The following FAM117B variants were observed in gnomAD, a reference collection of about 807,000 sequenced individuals.
FAM117B encodes the protein family with sequence similarity 117 member B.
In FAM117B, 22 loss-of-function variants were observed where a neutral mutation model predicts 52.8. That is an observed-to-expected ratio of 0.42 (90% confidence interval 0.30 to 0.59). FAM117B has a LOEUF of 0.59. FAM117B is among the 20% of genes least tolerant of loss of function. The pLI, the probability that FAM117B is intolerant of heterozygous loss-of-function variation, is 0.22. For synonymous variants in FAM117B, 309 were observed against 324.1 expected (o/e 0.95, Z 0.50); for missense variants, 678 against 802.6 (o/e 0.84, Z 1.88).
intron 6 of FAM117B, 29 bp from the exon 7 acceptor site, chr2:202,759,204 G>A (rs1373396125): frequency 1.9e-6 from 3 of 1,612,146 alleles, no homozygotes; most frequent in Non-Finnish European, 2.5e-6. Context: ...ATACATTTAT[G>A]TAGTAATCTA....
At chr2:202,691,706 C>T (rs909093274) in intron 1 of FAM117B, among the ~76,000 whole-genome samples, 12 of 131,778 alleles carry the variant, frequency 9.1e-5, no homozygotes, top group East Asian at 6.0e-4. Context: ...TGTGCGCGCG[C>T]GCCTCCCCAC....
intron 4 of FAM117B, among the ~76,000 whole-genome samples, chr2:202,747,939 A>G (rs1691659322): frequency 6.6e-6 from 1 of 152,176 alleles, no homozygotes; most frequent in East Asian, 1.9e-4. Flanking sequence ...TACCAATGAC[A>G]TTCTTCACAG....
chr2:202,684,067 A>G (rs1404860672), intron 1 of FAM117B, among the ~76,000 whole-genome samples: 1 of 152,068 alleles, frequency 6.6e-6, no homozygotes, highest in Non-Finnish European at 1.5e-5. Context: ...AGGTTTTGCC[A>G]TGTTGCTCTG....
intron 4 of FAM117B, among the ~76,000 whole-genome samples, chr2:202,730,964 C>T (rs1223822639): frequency 2.0e-5 from 3 of 152,106 alleles, no homozygotes; most frequent in Non-Finnish European, 4.4e-5. Flanking sequence ...AGATAACCCA[C>T]AGAATAGGAT....
At chr2:202,763,370 CCTT>C (rs1691928652) in intron 7 of FAM117B, among the ~76,000 whole-genome samples, 11 of 152,070 alleles carry the variant, frequency 7.2e-5, no homozygotes, top group South Asian at 6.2e-4. Flanking sequence ...CTGCGCCTGG[CCTT>C]CTTAAGTCAT....
intron 2 of FAM117B, 132 bp downstream of exon 2, chr2:202,696,164 A>G: frequency 9.8e-7 from 1 of 1,015,942 alleles, no homozygotes; most frequent in Non-Finnish European, 1.3e-6. Flanking sequence ...TACCAAAAAG[A>G]GCAGATTCCA....
intron 4 of FAM117B, among the ~76,000 whole-genome samples, chr2:202,732,975 C>CG (rs1379772816): frequency 6.6e-6 from 1 of 151,604 alleles, no homozygotes; most frequent in African/African-American, 2.4e-5. Flanking sequence ...AGACTGGTAT[C>CG]GGGGGAACCG....
intron 2 of FAM117B, among the ~76,000 whole-genome samples, chr2:202,717,609 T>G (rs1018374364): frequency 6.6e-6 from 1 of 152,210 alleles, no homozygotes; most frequent in African/African-American, 2.4e-5. Flanking sequence ...AAGAATTATC[T>G]GGATTACAAG....
intron 1 of FAM117B, among the ~76,000 whole-genome samples, chr2:202,683,695 C>A (rs1043774567): frequency 3.3e-5 from 5 of 152,012 alleles, no homozygotes; most frequent in African/African-American, 1.2e-4. Flanking sequence ...AAACTCCAGA[C>A]CAGATGGCAT....
Position 202,764,182 on chromosome 2 carries a change from T to C in FAM117B, c.1452-1264T>C, listed in dbSNP as rs575819313. Among the ~76,000 whole-genome samples the C allele has an allele frequency of 2.0e-5, 3 of 152,350 alleles. No homozygotes were observed. In the East Asian group the frequency reaches 5.8e-4, roughly 29 times the overall value. On this transcript the variant is annotated intron_variant, in intron 7 of 7. Coordinates refer to ENST00000392238, the MANE Select transcript of FAM117B (RefSeq NM_173511.4). ...CCTCACCCCACAAGAACTATAAATT[T>C]AGTCCACCTCCTCCTTGTGGATTGT...
chr2:202,708,250 A>T (rs1427064321), intron 2 of FAM117B, among the ~76,000 whole-genome samples: 1 of 152,194 alleles, frequency 6.6e-6, no homozygotes, highest in Non-Finnish European at 1.5e-5. Flanking sequence ...GTCCCTAGCA[A>T]TCACCATTCC....
intron 1 of FAM117B, among the ~76,000 whole-genome samples, chr2:202,663,833 C>T (rs902515392): frequency 1.8e-4 from 28 of 152,192 alleles, no homozygotes; most frequent in Admixed American, 1.3e-3. Context: ...ATCTGCCCAC[C>T]TCGGCCTCCC....
chr2:202,680,278 G>C (rs922507137), intron 1 of FAM117B, among the ~76,000 whole-genome samples: 3 of 152,164 alleles, frequency 2.0e-5, no homozygotes, highest in African/African-American at 4.8e-5. Flanking sequence ...TCTGACAAGG[G>C]AGAGGGGGGA....
Position 202,759,316 on chromosome 2 carries a change from G to C in FAM117B, c.1414G>C (p.Glu472Gln), listed in dbSNP as rs1348979407. The C allele has an allele frequency of 6.2e-6, 10 of 1,613,968 alleles. No homozygotes were observed. The highest frequency in any genetic ancestry group is 8.5e-6 in the Non-Finnish European group (10 of 1,180,010). Reference sequence around the variant, plus strand: ...TTATATGTTCAAAAGGGAACCTCCTGAGGGCTGTGAAAGGGTCAAAGTCTT... The same window carrying C: ...TTATATGTTCAAAAGGGAACCTCCTCAGGGCTGTGAAAGGGTCAAAGTCTT... ...NSYMFKREPP[E>Q]GCERVKVFEE... The change falls in exon 7 of 8, where the codon GAG (glutamate) becomes CAG (glutamine). Residue 472 changes from glutamate to glutamine, a missense_variant. Glu to Gln is a conservative substitution (Grantham distance 29). Transcript: ENST00000392238.
intron 1 of FAM117B, among the ~76,000 whole-genome samples, chr2:202,637,470 T>C (rs1689706222): frequency 6.6e-6 from 1 of 152,146 alleles, no homozygotes. Context: ...TTTGCCAGGA[T>C]GGTTTGGAAC....
chr2:202,685,312 A>G (rs1292085077), intron 1 of FAM117B, among the ~76,000 whole-genome samples: 1 of 152,162 alleles, frequency 6.6e-6, no homozygotes, highest in African/African-American at 2.4e-5. Flanking sequence ...CAGAAAAAGT[A>G]TTTGATAAAA....
chr2:202,681,127 G>C (rs1348751171), intron 1 of FAM117B, among the ~76,000 whole-genome samples: 2 of 152,040 alleles, frequency 1.3e-5, no homozygotes, highest in Non-Finnish European at 1.5e-5. Flanking sequence ...GATACAGTGT[G>C]ATAAGTTAAA....
Position 202,667,672 on chromosome 2 carries a change from C to T in FAM117B, c.602-28209C>T, listed in dbSNP as rs913387323. Among the ~76,000 whole-genome samples, 5 of 152,162 alleles carry T rather than the reference C, an allele frequency of 3.3e-5. No homozygotes were observed. The East Asian group carries it at 9.6e-4, about 29-fold the overall frequency. On this transcript the variant is annotated intron_variant, in intron 1 of 7. Transcript: ENST00000392238. ...GATAAACCTTAGCCATTTGGCCCCACTAGATAGTGTAGGGATCTAAACTAA... is the reference window on the plus strand; with the variant it reads ...GATAAACCTTAGCCATTTGGCCCCATTAGATAGTGTAGGGATCTAAACTAA...
At chr2:202,716,198 C>A (rs1360832788) in intron 2 of FAM117B, among the ~76,000 whole-genome samples, 1 of 152,176 alleles carries the variant, frequency 6.6e-6, no homozygotes, top group Admixed American at 6.5e-5. Context: ...AATATAGCTA[C>A]TCCTGCTCTT....
Sources: gnomAD v4.1 joint callset for allele counts (sites outside exome capture counted in the v4.1 genomes callset) on GRCh38, gnomAD v4.1.1 for gene constraint, MANE v1.5 for transcripts, NCBI Gene and HGNC (gene_info 2026-07-23, HGNC 2026-07-21) for gene names.